ITPK1: variants seen among roughly 807,000 people sequenced by gnomAD.
The protein encoded by ITPK1 is inositol-tetrakisphosphate 1-kinase, also known as inositol 1,3,4-trisphosphate 5/6-kinase.
In ITPK1, 21 loss-of-function variants were observed where a neutral mutation model predicts 45.3. The observed-to-expected ratio is 0.46, with a 90% confidence interval of 0.33 to 0.67. The LOEUF is 0.67. ITPK1 is among the 30% of genes least tolerant of loss of function. ITPK1 has a pLI of 0.02. For missense variants in ITPK1, 474 were observed against 573.5 expected (o/e 0.83, Z 1.77); for synonymous variants, 258 against 253.6 (o/e 1.02, Z -0.16).
intron 3 of ITPK1, among the ~76,000 whole-genome samples, chr14:93,072,767 A>AT (rs1891075595): frequency 6.6e-6 from 1 of 151,902 alleles, no homozygotes. Flanking sequence ...CACCCAACTA[A>AT]TTTTTTGTAT....
chr14:92,990,237 C>A (rs1460316446), intron 5 of ITPK1, among the ~76,000 whole-genome samples: 1 of 152,116 alleles, frequency 6.6e-6, no homozygotes, highest in Non-Finnish European at 1.5e-5. Flanking sequence ...AGAACCCCTC[C>A]TTAAAAGAGA....
At chr14:93,088,745 C>T (rs1891752911) in intron 2 of ITPK1, among the ~76,000 whole-genome samples, 3 of 152,156 alleles carry the variant, frequency 2.0e-5, no homozygotes, top group Admixed American at 1.3e-4. Context: ...AATCCTCCCG[C>T]CTTGGCCTCC....
At chr14:92,956,109 G>A (rs1452945884) in intron 8 of ITPK1, among the ~76,000 whole-genome samples, 3 of 148,808 alleles carry the variant, frequency 2.0e-5, no homozygotes, top group Non-Finnish European at 4.5e-5. Context: ...TCTACTATTT[G>A]GGCTTAGTCT....
At chr14:93,051,935 A>G (rs910707197) in intron 3 of ITPK1, among the ~76,000 whole-genome samples, 1 of 152,232 alleles carries the variant, frequency 6.6e-6, no homozygotes, top group Non-Finnish European at 1.5e-5. Flanking sequence ...TATTTCAAGA[A>G]CAACTCTGTT....
At chr14:93,101,669 C>G (rs1892326053) in intron 2 of ITPK1, among the ~76,000 whole-genome samples, 1 of 152,138 alleles carries the variant, frequency 6.6e-6, no homozygotes, top group Non-Finnish European at 1.5e-5. Flanking sequence ...GCCAATGTGG[C>G]AAAACCCCAT....
chr14:93,012,729 A>T lies in ITPK1; in HGVS notation c.246+3947T>A, dbSNP rs1404960591. On this transcript the variant is annotated intron_variant, in intron 4 of 10. Transcript: ENST00000267615. This position sits in a 1 kb window ranked among gnomAD's most constrained non-coding sequence, Gnocchi z 4.9. ...TGTGTGCAGACCGGGAATTCAGGGG[A>T]CATCTGAGGGACAATTACCGTCCTT... Among the ~76,000 whole-genome samples, 1 of 152,142 alleles carries T rather than the reference A, an allele frequency of 6.6e-6. No individual in the cohort carries two copies. Among genetic ancestry groups the T allele is most frequent in the African/African-American group, 2.4e-5 (1 of 41,424 alleles).
chr14:93,029,329 G>A (rs551895713), intron 3 of ITPK1, among the ~76,000 whole-genome samples: 1 of 152,242 alleles, frequency 6.6e-6, no homozygotes, highest in African/African-American at 2.4e-5. Context: ...TGGGGACCCT[G>A]AGCTTAGTTG....
intron 7 of ITPK1, among the ~76,000 whole-genome samples, chr14:92,959,913 C>T (rs1259566307): frequency 2.6e-5 from 4 of 152,114 alleles, no homozygotes; most frequent in African/African-American, 9.7e-5. Context: ...ACGAGGACTC[C>T]CGATCAGAAG....
intron 4 of ITPK1, among the ~76,000 whole-genome samples, chr14:93,006,558 G>A (rs1023293196): frequency 1.3e-5 from 2 of 152,200 alleles, no homozygotes; most frequent in Non-Finnish European, 2.9e-5. Flanking sequence ...CTGAAGGTGG[G>A]TGCTACCCAC....
At chr14:93,072,343 A>G (rs1365660501) in intron 3 of ITPK1, among the ~76,000 whole-genome samples, 3 of 151,790 alleles carry the variant, frequency 2.0e-5, no homozygotes, top group South Asian at 4.1e-4. Flanking sequence ...TAATAAATAA[A>G]TCTTATTAAA....
At chr14:93,066,306 ATGTGTG>A (rs530096242) in intron 3 of ITPK1, 19 of 436,066 alleles carry the variant, frequency 4.4e-5, no homozygotes, top group Non-Finnish European at 7.7e-5. Context: ...GTGCGCGTGC[ATGTGTG>A]TGTGTGTATG....
At position 92,940,783 on chromosome 14, in the gene ITPK1, C is replaced by A. The variant is rs540239378; in HGVS notation, c.*778G>T. The A allele has an allele frequency of 8.5e-6, 11 of 1,288,790 alleles. No individual in the cohort carries two copies. In the African/African-American group the frequency reaches 1.5e-4, roughly 18 times the overall value. The allele number at this position is 1,288,790 out of a possible 1,614,324, so 79.8% of individuals were successfully genotyped here. Reference sequence around the variant, plus strand: ...TCACAGCACAAATCCTCAGCACAGGCGCCATCGGCTCGGGCCTCCAGCCAG... The same window carrying A: ...TCACAGCACAAATCCTCAGCACAGGAGCCATCGGCTCGGGCCTCCAGCCAG... On this transcript the variant is annotated 3_prime_UTR_variant, in exon 11 of 11. Coordinates refer to ENST00000267615, the MANE Select transcript of ITPK1 (RefSeq NM_014216.6).
At chr14:93,073,209 C>T (rs746520170) in intron 3 of ITPK1, among the ~76,000 whole-genome samples, 3 of 152,218 alleles carry the variant, frequency 2.0e-5, no homozygotes, top group African/African-American at 4.8e-5. Context: ...AAAGACACAG[C>T]GTCGTTAAGC....
chr14:92,977,460 A>C (rs928101149), intron 5 of ITPK1, among the ~76,000 whole-genome samples: 1 of 152,232 alleles, frequency 6.6e-6, no homozygotes, highest in Non-Finnish European at 1.5e-5. Flanking sequence ...ACTCGAACTC[A>C]GATCAGCAGC....
At chr14:93,056,170 C>T (rs1276802877) in intron 3 of ITPK1, among the ~76,000 whole-genome samples, 5 of 152,174 alleles carry the variant, frequency 3.3e-5, no homozygotes, top group Non-Finnish European at 7.3e-5. Context: ...GTGTGCAAAG[C>T]AGGAGAGTGG....
In ITPK1 at chr14:93,022,990, T is replaced by C. The variant is rs1468314041; in HGVS notation, c.121-6189A>G. The stretch of plus-strand genomic sequence containing the variant: ...AAGGCTGATAAGAAAACCCAGAATA[T>C]GAAAATAAAAGGACTGTGGGTATAG... On this transcript the variant is annotated intron_variant, in intron 3 of 10. Transcript: ENST00000267615. 2.6e-5 allele frequency among the ~76,000 whole-genome samples: 4 copies of C among 152,180 alleles called. No individual in the cohort carries two copies. The East Asian group carries it at 7.7e-4, about 29-fold the overall frequency.
intron 10 of ITPK1, among the ~76,000 whole-genome samples, chr14:92,943,400 C>T (rs1431822150): frequency 4.6e-5 from 7 of 152,224 alleles, no homozygotes; most frequent in African/African-American, 1.2e-4. Context: ...ATCTGAAGGA[C>T]GCCCTTGGTC....
At chr14:93,073,573 G>A (rs533086309) in intron 3 of ITPK1, among the ~76,000 whole-genome samples, 10 of 152,294 alleles carry the variant, frequency 6.6e-5, no homozygotes, top group South Asian at 2.1e-4. Context: ...ACCGACCTCC[G>A]GTCACCAGCG....
intron 8 of ITPK1, among the ~76,000 whole-genome samples, chr14:92,955,096 A>T (rs539979938): frequency 2.1e-4 from 32 of 152,340 alleles, no homozygotes; most frequent in Non-Finnish European, 3.7e-4. Context: ...TAAATGCTGT[A>T]TCACTGACTA....
Sources: gnomAD v4.1 joint callset for allele counts (sites outside exome capture counted in the v4.1 genomes callset) on GRCh38, gnomAD v4.1.1 for gene constraint, Gnocchi (gnomAD v3.1) non-coding constraint, MANE v1.5 for transcripts, NCBI Gene and HGNC (gene_info 2026-07-23, HGNC 2026-07-21) for gene names.